The following CNTNAP5 variants were observed in gnomAD, a reference collection of about 807,000 sequenced individuals.
CNTNAP5 encodes contactin associated protein family member 5, also known as contactin-associated protein-like 5.
Under a neutral mutation model 150.2 loss-of-function variants are expected in CNTNAP5, and 72 were observed. The ratio of observed to expected loss-of-function variants is 0.48; its 90% CI spans 0.40 to 0.58. CNTNAP5 has a LOEUF of 0.58. Among genes scored for constraint, CNTNAP5 ranks in the 20% least tolerant of loss-of-function variants. The probability of loss-of-function intolerance (pLI) is 0.00; values close to 1 mark genes in which losing one functional copy is unlikely to be tolerated. For synonymous variants in CNTNAP5, 672 were observed against 619.8 expected (o/e 1.08, Z -1.25); for missense variants, 1,636 against 1,626.2 (o/e 1.01, Z -0.10).
At chr2:124,486,999 C>A (rs2104845709) in intron 7 of CNTNAP5, among the ~76,000 whole-genome samples, 1 of 152,284 alleles carries the variant, frequency 6.6e-6, no homozygotes, top group East Asian at 1.9e-4. Context: ...ATAGCTTATT[C>A]TTTTCCGCTG....
chr2:124,441,777 C>T (rs1226051001), intron 5 of CNTNAP5, among the ~76,000 whole-genome samples: 2 of 151,564 alleles, frequency 1.3e-5, no homozygotes, highest in African/African-American at 4.9e-5. Flanking sequence ...AAGTTGTGAA[C>T]ATAAGTTTAA....
chr2:124,369,304 C>A (rs1257426006), intron 3 of CNTNAP5, among the ~76,000 whole-genome samples: 1 of 152,138 alleles, frequency 6.6e-6, no homozygotes, highest in African/African-American at 2.4e-5. Context: ...ACTTGGGTAG[C>A]AACCAGGAGA....
At chr2:124,558,171 A>G (rs6707944) in intron 10 of CNTNAP5, among the ~76,000 whole-genome samples, 28,687 of 152,168 alleles carry the variant, frequency 0.19, 3,775 homozygotes, top group East Asian at 0.62. Context: ...TGATAATTGC[A>G]GTTATTCTGG....
chr2:124,493,472 C>T (rs1055660959), intron 7 of CNTNAP5, among the ~76,000 whole-genome samples: 7 of 151,944 alleles, frequency 4.6e-5, no homozygotes, highest in Non-Finnish European at 1.0e-4. Flanking sequence ...TCCCTAGTAG[C>T]TGGGACTACA....
intron 9 of CNTNAP5, among the ~76,000 whole-genome samples, chr2:124,526,377 G>T (rs1256791457): frequency 2.6e-5 from 4 of 152,196 alleles, no homozygotes; most frequent in Admixed American, 6.5e-5. Flanking sequence ...CCTGTGAGCT[G>T]TTAACCAGCT....
intron 19 of CNTNAP5, among the ~76,000 whole-genome samples, chr2:124,836,215 G>A (rs1449011549): frequency 6.6e-6 from 1 of 152,148 alleles, no homozygotes; most frequent in Non-Finnish European, 1.5e-5. Flanking sequence ...ACCTTGGAAA[G>A]CTCATGAAAG....
Position 124,293,940 on chromosome 2 carries a change from G to C in CNTNAP5, c.381+51547G>C, listed in dbSNP as rs182422684. Among the ~76,000 whole-genome samples, 146 of 152,202 alleles carry C rather than the reference G, an allele frequency of 9.6e-4. 2 individuals carry two copies. Among genetic ancestry groups the C allele is most frequent in the Middle Eastern group, 6.8e-3 (2 of 292 alleles). On this transcript the variant is annotated intron_variant, in intron 3 of 23. Transcript: ENST00000682447. ...TTTGATAGCAGAGATGAGAAAGAAT[G>C]TAGATATATAGGGACAACATGGATG... is the stretch of plus-strand genomic sequence containing the variant.
chr2:124,040,677 T>C (rs1681346875), intron 1 of CNTNAP5, among the ~76,000 whole-genome samples: 1 of 150,346 alleles, frequency 6.7e-6, no homozygotes, highest in Admixed American at 6.6e-5. Context: ...ACTTCTTTAC[T>C]GGCAGAAGAC....
chr2:124,775,993 G>T (rs1286391910), intron 17 of CNTNAP5, among the ~76,000 whole-genome samples: 1 of 152,098 alleles, frequency 6.6e-6, no homozygotes, highest in African/African-American at 2.4e-5. Context: ...AAACTAACTA[G>T]CATGAGTGTA....
chr2:124,285,996 T>C (rs2104628413), intron 3 of CNTNAP5, among the ~76,000 whole-genome samples: 1 of 152,264 alleles, frequency 6.6e-6, no homozygotes, highest in South Asian at 2.1e-4. Context: ...ATTTTGTTAT[T>C]AATAATATTT....
At chr2:124,097,162 C>G (rs1367056822) in intron 1 of CNTNAP5, among the ~76,000 whole-genome samples, 1 of 152,094 alleles carries the variant, frequency 6.6e-6, no homozygotes, top group Admixed American at 6.5e-5. Context: ...CTCACCGTAT[C>G]CCTATGAGAA....
chr2:124,628,332 A>G (rs915365015), intron 12 of CNTNAP5, among the ~76,000 whole-genome samples: 2 of 152,198 alleles, frequency 1.3e-5, no homozygotes, highest in East Asian at 1.9e-4. Context: ...CAAATCACAT[A>G]CAAAAGGAAG....
intron 3 of CNTNAP5, among the ~76,000 whole-genome samples, chr2:124,398,837 A>G (rs1691331150): frequency 6.6e-6 from 1 of 152,106 alleles, no homozygotes; most frequent in Non-Finnish European, 1.5e-5. Flanking sequence ...TGGGAGTAAC[A>G]CTGGAGGCCA....
chr2:124,496,346 C>T (rs1049567936), intron 7 of CNTNAP5, among the ~76,000 whole-genome samples: 1 of 152,142 alleles, frequency 6.6e-6, no homozygotes, highest in African/African-American at 2.4e-5. Context: ...TGGTTGTACT[C>T]ATTTGGAAAA....
Position 124,687,329 on chromosome 2 carries a change from TAAC to T in CNTNAP5, c.2077+39375_2077+39377del, listed in dbSNP as rs566744501. On this transcript the variant is annotated intron_variant, in intron 13 of 23. Coordinates refer to ENST00000682447, the MANE Select transcript of CNTNAP5 (RefSeq NM_001367498.1). Reference sequence around the variant, plus strand: ...CAGTCTCTATACTCAGGTCTTCACTTAACAACCACCCAATTTATCTAGATGACT... The same window carrying T: ...CAGTCTCTATACTCAGGTCTTCACTTAACCACCCAATTTATCTAGATGACT... Among the ~76,000 whole-genome samples the T allele has an allele frequency of 1.1e-3, 168 of 152,128 alleles. 1 individual carries two copies. The highest frequency in any genetic ancestry group is 2.0e-3 in the Non-Finnish European group (139 of 67,990).
chr2:124,340,967 T>G (rs1428597649), intron 3 of CNTNAP5, among the ~76,000 whole-genome samples: 1 of 151,186 alleles, frequency 6.6e-6, no homozygotes, highest in East Asian at 1.9e-4. Flanking sequence ...TCCCACCTAC[T>G]CAGGAGGCTA....
At chr2:124,133,655 G>A (rs371383657) in intron 1 of CNTNAP5, among the ~76,000 whole-genome samples, 15 of 152,076 alleles carry the variant, frequency 9.9e-5, no homozygotes, top group East Asian at 7.8e-4. Context: ...CTGACTTTCT[G>A]TGGAGCACCA....
chr2:124,323,751 C>T (rs1291805423), intron 3 of CNTNAP5, among the ~76,000 whole-genome samples: 1 of 152,174 alleles, frequency 6.6e-6, no homozygotes, highest in Non-Finnish European at 1.5e-5. Context: ...AACTAGACAG[C>T]TAAGGAAAGA....
chr2:124,046,443 A>AC lies in CNTNAP5; in HGVS notation c.82+20711_82+20712insC, dbSNP rs538219791. 4.0e-5 allele frequency among the ~76,000 whole-genome samples: 6 copies of AC among 151,608 alleles called. No homozygotes were observed. The South Asian group carries it at 1.3e-3, about 32-fold the overall frequency. On this transcript the variant is annotated intron_variant, in intron 1 of 23. Transcript: ENST00000682447. ...TGCTCACAAAAGAGAGAAAAAAAAA[A>AC]AAAAAACAGAGAATAACAGGTTAAT...
Sources: gnomAD v4.1 joint callset for allele counts (sites outside exome capture counted in the v4.1 genomes callset) on GRCh38, gnomAD v4.1.1 for gene constraint, MANE v1.5 for transcripts, NCBI Gene and HGNC (gene_info 2026-07-23, HGNC 2026-07-21) for gene names.